SLC39A11: variants seen among roughly 807,000 people sequenced by gnomAD.
The protein encoded by SLC39A11 is zinc transporter ZIP11.
A neutral mutation model predicts 36.1 loss-of-function variants in SLC39A11; 33 were observed. The observed-to-expected ratio is 0.91, with a 90% confidence interval of 0.69 to 1.22. The LOEUF (loss-of-function observed/expected upper bound fraction) is 1.22, where lower values mean the gene tolerates loss of function less well. Ranked by LOEUF, SLC39A11 falls within the 50% of genes most tolerant of loss-of-function variation. The probability of loss-of-function intolerance (pLI) is 0.00; values close to 1 mark genes in which losing one functional copy is unlikely to be tolerated. For missense variants in SLC39A11, 432 were observed against 430.3 expected, an observed-to-expected ratio of 1.00 and a Z score of -0.03; for synonymous variants, 166 against 170.3, an observed-to-expected ratio of 0.97 and a Z score of 0.20.
rs55797288 is a variant in SLC39A11 at position 72,731,713 on chromosome 17, T to TTTTGTTTG, written c.671+4929_671+4936dup. On this transcript the variant is annotated intron_variant, in intron 7 of 9. Coordinates refer to ENST00000255559, the MANE Select transcript of SLC39A11 (RefSeq NM_139177.4). ...GGAACCCATATTGGTGCATTCCTTT[T>TTTTGTTTG]TTTGTTTGTTTGTTTGTTTGTTTGT... Among the ~76,000 whole-genome samples the TTTTGTTTG allele has an allele frequency of 1.8e-3, 267 of 150,114 alleles. 2 individuals carry two copies. Among genetic ancestry groups the TTTTGTTTG allele is most frequent in the South Asian group, 2.6e-3 (12 of 4,700 alleles).
intron 3 of SLC39A11, among the ~76,000 whole-genome samples, chr17:73,049,693 G>C (rs1042537773): frequency 2.0e-5 from 3 of 152,198 alleles, no homozygotes; most frequent in African/African-American, 7.2e-5. Context: ...TCTCTGCCGT[G>C]CACTAGGGAT....
intron 5 of SLC39A11, among the ~76,000 whole-genome samples, chr17:72,944,913 G>T (rs2085335560): frequency 6.6e-6 from 1 of 152,182 alleles, no homozygotes; most frequent in African/African-American, 2.4e-5. Context: ...ATTCTGAAAG[G>T]ATGCACAAGA....
intron 3 of SLC39A11, among the ~76,000 whole-genome samples, chr17:73,073,996 A>G (rs1017272042): frequency 6.6e-6 from 1 of 151,788 alleles, no homozygotes; most frequent in Non-Finnish European, 1.5e-5. Flanking sequence ...ATTCCATAAA[A>G]TATCTCCAAG....
chr17:72,963,643 C>T (rs1483063714), intron 4 of SLC39A11, among the ~76,000 whole-genome samples: 3 of 152,196 alleles, frequency 2.0e-5, no homozygotes, highest in Admixed American at 6.5e-5. Context: ...TAGCGCTCCA[C>T]CAATTTTTTT....
chr17:72,737,977 C>T (rs948919295), intron 6 of SLC39A11, among the ~76,000 whole-genome samples: 5 of 152,062 alleles, frequency 3.3e-5, no homozygotes, highest in Non-Finnish European at 7.4e-5. Flanking sequence ...GGCGTGATCA[C>T]CACCACCAGC....
At chr17:72,755,857 T>G (rs892565161) in intron 6 of SLC39A11, among the ~76,000 whole-genome samples, 3 of 152,160 alleles carry the variant, frequency 2.0e-5, no homozygotes, top group Admixed American at 6.5e-5. Context: ...TGCAACCCTG[T>G]GATTTCTGGG....
rs377141841 is a variant in SLC39A11 at position 72,985,867 on chromosome 17, G to C, written c.307-37992C>G. Among the ~76,000 whole-genome samples, 11 of 152,228 alleles carry C rather than the reference G, an allele frequency of 7.2e-5. 1 individual carries two copies. In the East Asian group the frequency reaches 9.6e-4, roughly 13 times the overall value. ...GGGTCTTTGTAAATGATCGAGGTAA[G>C]ATAAGGTCATTAGGGCAGGTCCCAA... On this transcript the variant is annotated intron_variant, in intron 4 of 9. Transcript: ENST00000255559.
rs959543522 is a variant in SLC39A11, at chr17:72,822,194, C to A, written c.601+27440G>T. Among the ~76,000 whole-genome samples, 21 of 150,136 alleles carry A rather than the reference C, an allele frequency of 1.4e-4. 1 individual carries two copies. The highest frequency in any genetic ancestry group is 1.4e-3 in the Admixed American group (21 of 15,056). ...AAAGAGTACTCATATATGTACTACA[C>A]ATTATATGCACATATACTATATATA... is the stretch of plus-strand genomic sequence containing the variant. On this transcript the variant is annotated intron_variant, in intron 6 of 9. Coordinates refer to ENST00000255559, the MANE Select transcript of SLC39A11 (RefSeq NM_139177.4).
intron 6 of SLC39A11, among the ~76,000 whole-genome samples, chr17:72,750,030 T>C (rs2075092596): frequency 6.6e-6 from 1 of 151,816 alleles, no homozygotes; most frequent in South Asian, 2.1e-4. Context: ...ATGCCAGGAG[T>C]TCTCCACAAA....
At chr17:72,712,469 G>C (rs1315572736) in intron 7 of SLC39A11, among the ~76,000 whole-genome samples, 1 of 151,430 alleles carries the variant, frequency 6.6e-6, no homozygotes, top group Non-Finnish European at 1.5e-5. Context: ...TCAGTTAATA[G>C]AGTTTTTGTT....
At chr17:72,657,009 A>G (rs992873603) in intron 7 of SLC39A11, among the ~76,000 whole-genome samples, 1 of 151,994 alleles carries the variant, frequency 6.6e-6, no homozygotes, top group Non-Finnish European at 1.5e-5. Context: ...AAAAAGAGAA[A>G]AAAGAAGAAC....
intron 7 of SLC39A11, among the ~76,000 whole-genome samples, chr17:72,708,096 G>A (rs987231499): frequency 1.3e-5 from 2 of 152,182 alleles, no homozygotes; most frequent in African/African-American, 4.8e-5. Flanking sequence ...CACTTGCCCT[G>A]TATCCTGCTT....
intron 7 of SLC39A11, among the ~76,000 whole-genome samples, chr17:72,667,950 T>G (rs1470249998): frequency 6.6e-6 from 1 of 152,242 alleles, no homozygotes; most frequent in Non-Finnish European, 1.5e-5. Flanking sequence ...GTCTGCTGAC[T>G]CCAGAGCTCA....
chr17:72,694,919 C>T (rs991718210), intron 7 of SLC39A11, among the ~76,000 whole-genome samples: 1 of 152,200 alleles, frequency 6.6e-6, no homozygotes, highest in African/African-American at 2.4e-5. Context: ...TCTCTCACTC[C>T]ATCTTTCTGG....
chr17:73,047,669 A>T (rs545038145), intron 3 of SLC39A11, among the ~76,000 whole-genome samples: 2 of 152,004 alleles, frequency 1.3e-5, no homozygotes, highest in East Asian at 3.9e-4. Flanking sequence ...TTAAAAAAAT[A>T]AAAATAAAAA....
At chr17:72,708,057 C>T (rs566290651) in intron 7 of SLC39A11, among the ~76,000 whole-genome samples, 19 of 152,332 alleles carry the variant, frequency 1.2e-4, no homozygotes, top group African/African-American at 4.1e-4. Flanking sequence ...ACTCCAGTTC[C>T]GAGGTTCTCC....
intron 4 of SLC39A11, among the ~76,000 whole-genome samples, chr17:72,973,081 G>T (rs2148067080): frequency 6.6e-6 from 1 of 151,202 alleles, no homozygotes; most frequent in South Asian, 2.1e-4. Flanking sequence ...AATACCCCAA[G>T]CTGCCTTCTG....
chr17:72,818,055 C>T (rs1238195435), intron 6 of SLC39A11: 2 of 152,100 alleles, frequency 1.3e-5, no homozygotes, highest in African/African-American at 2.4e-5. Flanking sequence ...TGAGGGTAAT[C>T]GCCCCCATGA....
intron 6 of SLC39A11, among the ~76,000 whole-genome samples, chr17:72,737,063 G>A (rs943057723): frequency 7.1e-6 from 1 of 141,412 alleles, no homozygotes; most frequent in Non-Finnish European, 1.6e-5. Context: ...ATCACCTGAG[G>A]TCAGGAGTTC....
Sources: allele counts gnomAD v4.1 joint callset (sites outside exome capture counted in the v4.1 genomes callset), GRCh38; gene constraint gnomAD v4.1.1; transcripts MANE v1.5; gene names NCBI Gene and HGNC (gene_info 2026-07-23, HGNC 2026-07-21).